PCDHGA3: variants seen among roughly 807,000 people sequenced by gnomAD.
PCDHGA3 encodes the protein protocadherin gamma subfamily A, 3, also known as protocadherin gamma-A3.
Under a neutral mutation model 58.5 loss-of-function variants are expected in PCDHGA3, and 40 were observed. The ratio of observed to expected loss-of-function variants is 0.68; its 90% CI spans 0.53 to 0.89. PCDHGA3 has a LOEUF of 0.89. PCDHGA3 is among the 40% of genes least tolerant of loss of function. The pLI, the probability that PCDHGA3 is intolerant of heterozygous loss-of-function variation, is 0.00. For synonymous variants in PCDHGA3, 530 were observed against 525.7 expected, an observed-to-expected ratio of 1.01 and a Z score of -0.11; for missense variants, 1,223 against 1,195.9, an observed-to-expected ratio of 1.02 and a Z score of -0.33.
At chr5:141,441,615 G>A in intron 1 of PCDHGA3, 1 of 219,248 alleles carries the variant, frequency 4.6e-6, no homozygotes, top group Non-Finnish European at 9.2e-6. Context: ...TTCCATCGTG[G>A]CCAGTGACCT....
At chr5:141,449,979 C>T (rs1382206842) in intron 1 of PCDHGA3, among the ~76,000 whole-genome samples, 1 of 148,862 alleles carries the variant, frequency 6.7e-6, no homozygotes, top group Non-Finnish European at 1.5e-5. Context: ...TCCAAAATAT[C>T]ACACATTGCA....
chr5:141,360,930 A>T, intron 1 of PCDHGA3: 1 of 1,614,028 alleles, frequency 6.2e-7, no homozygotes, highest in East Asian at 2.2e-5. Flanking sequence ...TTCAAGTGAC[A>T]GCCACCGACC....
rs762413220 is a variant in PCDHGA3 at position 141,403,196 on chromosome 5, G to T, written c.2424+56739G>T. 1.9e-6 allele frequency: 3 copies of T among 1,613,986 alleles called. No individual in the cohort carries two copies. The South Asian group carries it at 3.3e-5, about 18-fold the overall frequency. ...GCTTTTCTCTCTGAACCCGCGCAGC[G>T]GCACCTTGGTCACCGCGGGTAGGAT... is the stretch of plus-strand genomic sequence containing the variant. On this transcript the variant is annotated intron_variant, in intron 1 of 3. Transcript: ENST00000253812.
intron 1 of PCDHGA3, chr5:141,424,584 C>T (rs919265310): frequency 3.9e-5 from 6 of 152,082 alleles, no homozygotes; most frequent in African/African-American, 1.4e-4. Flanking sequence ...TTCAAATGTG[C>T]TAAAGATGTC....
chr5:141,427,105 A>C (rs1413188668), intron 1 of PCDHGA3: 1 of 457,776 alleles, frequency 2.2e-6, no homozygotes, highest in Non-Finnish European at 4.4e-6. Flanking sequence ...GTCAATGCGG[A>C]GATCACCTAC....
At position 141,410,559 on chromosome 5, in the gene PCDHGA3, G is replaced by A. The variant is rs1239897819; in HGVS notation, c.2424+64102G>A. 9.9e-6 allele frequency: 16 copies of A among 1,612,722 alleles called. No individual in the cohort carries two copies. Among genetic ancestry groups the A allele is most frequent in the African/African-American group, 5.3e-5 (4 of 74,894 alleles). On this transcript the variant is annotated intron_variant, in intron 1 of 3. Transcript: ENST00000253812. ...GACATGGTTTGCAGTGTTTCTCCTG[G>A]AGCCTTAATTCCACCTCATGGTGGG...
At position 141,489,369 on chromosome 5, in the gene PCDHGA3, G is replaced by A. The variant is rs371328808; in HGVS notation, c.2425-5438G>A. The A allele has an allele frequency of 4.5e-5, 73 of 1,613,474 alleles. No individual in the cohort carries two copies. Among genetic ancestry groups the A allele is most frequent in the African/African-American group, 4.1e-4 (31 of 74,894 alleles). ...TGGTGGAGGAGTCTGAGCCGGGGACGCTGGTGGGGAATGTTGCTCAGGATC... is the reference window on the plus strand; with the variant it reads ...TGGTGGAGGAGTCTGAGCCGGGGACACTGGTGGGGAATGTTGCTCAGGATC... On this transcript the variant is annotated intron_variant, in intron 1 of 3. Transcript: ENST00000253812. This position sits in a 1 kb window ranked among gnomAD's most constrained non-coding sequence, Gnocchi z 4.5.
At chr5:141,404,684 G>GT in intron 1 of PCDHGA3, 1 of 1,614,104 alleles carries the variant, frequency 6.2e-7, no homozygotes, top group Non-Finnish European at 8.5e-7. Flanking sequence ...TGTGGAGCTG[G>GT]CACCCCGCTC....
chr5:141,441,927 G>A (rs2098285195), intron 1 of PCDHGA3: 2 of 354,242 alleles, frequency 5.6e-6, no homozygotes, highest in Non-Finnish European at 1.1e-5. Flanking sequence ...ACAATGCGTG[G>A]CTGTCCTACC....
chr5:141,443,848 G>A lies in PCDHGA3; in HGVS notation c.2425-50959G>A, dbSNP rs528933391. 2.6e-5 allele frequency among the ~76,000 whole-genome samples: 4 copies of A among 152,272 alleles called. No individual in the cohort carries two copies. The South Asian group carries it at 8.3e-4, about 32-fold the overall frequency. ...TTAGGTAAAATGGGTAATATGGAAA[G>A]TCTGAAAACTGAAAAAATTACTGAT... On this transcript the variant is annotated intron_variant, in intron 1 of 3. Transcript: ENST00000253812.
In PCDHGA3 at chr5:141,345,368, C is replaced by T. The variant is rs1221853563; in HGVS notation, c.1335C>T (p.Ile445=). The change falls in exon 1 of 4, where the codon ATC becomes ATT. Residue 445 remains isoleucine (I), a synonymous_variant. Coordinates refer to ENST00000253812, the MANE Select transcript of PCDHGA3 (RefSeq NM_018916.4). ...ETHITLHVID[I]NDNPPTFPHL... is the part of the protein sequence containing the mutation. ...ACATCACCCTGCATGTGATTGACAT[C>T]AATGACAACCCACCCACCTTCCCTC... is the stretch of plus-strand genomic sequence containing the variant. 1 of 1,614,144 alleles carries T rather than the reference C, an allele frequency of 6.2e-7. No homozygotes were observed. The highest frequency in any genetic ancestry group is 2.2e-5 in the East Asian group (1 of 44,874).
chr5:141,506,207 TTGGGAAGCTGAG>T (rs1487107822), intron 3 of PCDHGA3, among the ~76,000 whole-genome samples: 1 of 152,020 alleles, frequency 6.6e-6, no homozygotes, highest in Non-Finnish European at 1.5e-5. Flanking sequence ...TCCCAGCACT[TTGGGAAGCTGAG>T]GCAGGAGGAT....
At chr5:141,399,739 C>T (rs774893843) in intron 1 of PCDHGA3, 2 of 1,613,218 alleles carry the variant, frequency 1.2e-6, no homozygotes, top group Non-Finnish European at 1.7e-6. Flanking sequence ...CTCGCCTGCG[C>T]TCAGCGCAAA....
Position 141,494,770 on chromosome 5 carries a change from C to T in PCDHGA3, c.2425-37C>T, listed in dbSNP as rs767006872. 43 of 1,614,022 alleles carry T rather than the reference C, an allele frequency of 2.7e-5. No homozygotes were observed. In the East Asian group the frequency reaches 7.6e-4, roughly 28 times the overall value. On this transcript the variant is annotated intron_variant, in intron 1 of 3. Coordinates refer to ENST00000253812, the MANE Select transcript of PCDHGA3 (RefSeq NM_018916.4). ...GCTCGGGTGACATTCTAACTTCTCA[C>T]GGGTACTCAGCCCCTTTCCCTCTGT...
intron 1 of PCDHGA3, chr5:141,351,783 G>T (rs1758821393): frequency 1.2e-6 from 2 of 1,613,334 alleles, no homozygotes; most frequent in Admixed American, 1.7e-5. Context: ...CCGCAGAGCG[G>T]GGTGGTGTTC....
rs1183407162 is a variant in PCDHGA3 at position 141,422,793 on chromosome 5, C to G, written c.2425-72014C>G. 3 of 1,614,110 alleles carry G rather than the reference C, an allele frequency of 1.9e-6. No individual in the cohort carries two copies. The South Asian group carries it at 3.3e-5, about 18-fold the overall frequency. On this transcript the variant is annotated intron_variant, in intron 1 of 3. Transcript: ENST00000253812. Reference sequence around the variant, plus strand: ...TTCTCTATGCCCTACAATCCTTCGACTATGAGCAGTTTCGAGACTTAGAAC... The same window carrying G: ...TTCTCTATGCCCTACAATCCTTCGAGTATGAGCAGTTTCGAGACTTAGAAC...
intron 1 of PCDHGA3, chr5:141,383,792 CA>C: frequency 6.2e-7 from 1 of 1,613,914 alleles, no homozygotes; most frequent in Non-Finnish European, 8.5e-7. Context: ...AACTCGCTTA[CA>C]GGAGAAATAT....
intron 1 of PCDHGA3, chr5:141,424,478 G>A (rs953233220): frequency 3.3e-5 from 5 of 151,898 alleles, no homozygotes; most frequent in Admixed American, 6.6e-5. Context: ...CTTTTACTTT[G>A]GTGTCTGTGT....
intron 1 of PCDHGA3, 187 bp downstream of exon 1, chr5:141,346,644 TG>T: frequency 1.2e-6 from 1 of 851,514 alleles, no homozygotes; most frequent in Non-Finnish European, 1.8e-6. Context: ...TATGGTTGAG[TG>T]GGCTTAGGGA....
Sources: allele counts gnomAD v4.1 joint callset (sites outside exome capture counted in the v4.1 genomes callset), GRCh38; gene constraint gnomAD v4.1.1; non-coding constraint Gnocchi (gnomAD v3.1); transcripts MANE v1.5; gene names NCBI Gene and HGNC (gene_info 2026-07-23, HGNC 2026-07-21).